Variants in SNTG1 observed in about 807,000 individuals in gnomAD.
The protein encoded by SNTG1 is gamma-1-syntrophin.
A neutral mutation model predicts 74.7 loss-of-function variants in SNTG1; 39 were observed. That is an observed-to-expected ratio of 0.52 (90% CI 0.40 to 0.68). The LOEUF is 0.68. Among genes scored for constraint, SNTG1 ranks in the 30% least tolerant of loss-of-function variants. SNTG1 has a pLI of 0.00. For missense variants in SNTG1, 685 were observed against 609.5 expected (o/e 1.12, Z -1.30); for synonymous variants, 254 against 217.1 (o/e 1.17, Z -1.49).
chr8:50,661,704 C>T (rs867419906), intron 15 of SNTG1, among the ~76,000 whole-genome samples: 44 of 152,074 alleles, frequency 2.9e-4, no homozygotes, highest in African/African-American at 1.1e-3. Flanking sequence ...CTCCCCTTGC[C>T]CCCAACCTCC....
intron 13 of SNTG1, among the ~76,000 whole-genome samples, chr8:50,617,696 C>CG (rs1307013317): frequency 4.6e-5 from 7 of 152,130 alleles, no homozygotes; most frequent in Non-Finnish European, 7.4e-5. Flanking sequence ...AAGGGGTTCC[C>CG]GTGAGAGGGT....
intron 2 of SNTG1, among the ~76,000 whole-genome samples, chr8:50,281,796 G>A (rs961339117): frequency 7.9e-5 from 12 of 152,182 alleles, no homozygotes; most frequent in Non-Finnish European, 1.8e-4. Flanking sequence ...ACTAAACTTC[G>A]AGTATTTATA....
At chr8:50,252,651 G>A (rs959114567) in intron 2 of SNTG1, among the ~76,000 whole-genome samples, 4 of 152,122 alleles carry the variant, frequency 2.6e-5, no homozygotes, top group African/African-American at 9.7e-5. Flanking sequence ...ACATGGCAAG[G>A]CTGAGAACAA....
At chr8:50,625,940 G>C (rs867355451) in intron 13 of SNTG1, among the ~76,000 whole-genome samples, 1 of 152,156 alleles carries the variant, frequency 6.6e-6, no homozygotes, top group Non-Finnish European at 1.5e-5. Flanking sequence ...CACCCCATGT[G>C]TGCTTTCCTT....
intron 2 of SNTG1, among the ~76,000 whole-genome samples, chr8:50,365,996 T>C (rs1344757452): frequency 1.3e-5 from 2 of 152,204 alleles, no homozygotes; most frequent in Non-Finnish European, 2.9e-5. Flanking sequence ...GACTGTATTT[T>C]AAACACCCAA....
At chr8:50,502,166 T>C (rs2093965167) in intron 8 of SNTG1, among the ~76,000 whole-genome samples, 1 of 152,156 alleles carries the variant, frequency 6.6e-6, no homozygotes, top group African/African-American at 2.4e-5. Flanking sequence ...ACTGATGCTA[T>C]TGATAATAAC....
intron 1 of SNTG1, among the ~76,000 whole-genome samples, chr8:50,150,449 A>T (rs1158436085): frequency 6.6e-6 from 1 of 152,168 alleles, no homozygotes; most frequent in Non-Finnish European, 1.5e-5. Flanking sequence ...GAGTGGTGAG[A>T]GAGGGCATCC....
chr8:50,658,891 G>T (rs2095200793), intron 15 of SNTG1, among the ~76,000 whole-genome samples: 1 of 152,208 alleles, frequency 6.6e-6, no homozygotes, highest in Non-Finnish European at 1.5e-5. Context: ...AGCAGACTCT[G>T]CAGTCCCACC....
intron 3 of SNTG1, among the ~76,000 whole-genome samples, chr8:50,399,470 A>G (rs1191145999): frequency 6.6e-6 from 1 of 152,170 alleles, no homozygotes; most frequent in African/African-American, 2.4e-5. Context: ...GATCTTTAGT[A>G]TCTCTTTGAT....
intron 4 of SNTG1, among the ~76,000 whole-genome samples, chr8:50,431,336 C>G (rs1202614088): frequency 6.6e-6 from 1 of 152,108 alleles, no homozygotes; most frequent in African/African-American, 2.4e-5. Context: ...ACATGGGAGG[C>G]TATGCATGCA....
chr8:50,147,330 A>C (rs1586474750), intron 1 of SNTG1, among the ~76,000 whole-genome samples: 1 of 152,240 alleles, frequency 6.6e-6, no homozygotes, highest in East Asian at 1.9e-4. Context: ...TGGTAAGGGA[A>C]AAATTGGAGC....
chr8:49,971,361 G>A lies in SNTG1; in HGVS notation c.-103+59130G>A, dbSNP rs912179892. On this transcript the variant is annotated intron_variant, in intron 1 of 18. Transcript: ENST00000642720. ...TCAATAAATTAGGTATTGACGGGAC[G>A]TATCTCAAAATAATAAGAGCTATCT... 6.6e-5 allele frequency among the ~76,000 whole-genome samples: 10 copies of A among 152,048 alleles called. 1 individual carries two copies. The highest frequency in any genetic ancestry group is 1.7e-4 in the African/African-American group (7 of 41,372).
chr8:50,257,482 T>A (rs941425348), intron 2 of SNTG1, among the ~76,000 whole-genome samples: 5 of 152,120 alleles, frequency 3.3e-5, no homozygotes, highest in Admixed American at 6.5e-5. Flanking sequence ...CTAAGTGAAG[T>A]AGTGTTCTTT....
chr8:50,030,953 G>A (rs1335965887), intron 1 of SNTG1, among the ~76,000 whole-genome samples: 28 of 151,826 alleles, frequency 1.8e-4, no homozygotes, highest in Non-Finnish European at 1.5e-5. Context: ...ACTATGTTGA[G>A]TATTCTAATC....
At chr8:49,958,619 C>G (rs1426813759) in intron 1 of SNTG1, among the ~76,000 whole-genome samples, 1 of 152,104 alleles carries the variant, frequency 6.6e-6, no homozygotes, top group East Asian at 1.9e-4. Flanking sequence ...CAAGGTTTCA[C>G]CATGTTGGCC....
At chr8:50,007,926 G>A (rs1437956831) in intron 1 of SNTG1, among the ~76,000 whole-genome samples, 1 of 152,100 alleles carries the variant, frequency 6.6e-6, no homozygotes, top group Non-Finnish European at 1.5e-5. Context: ...TCACAAGGTG[G>A]CAGGAGAGAG....
At chr8:50,751,215 A>G (rs1400567174) in intron 17 of SNTG1, among the ~76,000 whole-genome samples, 2 of 152,074 alleles carry the variant, frequency 1.3e-5, no homozygotes, top group Non-Finnish European at 2.9e-5. Flanking sequence ...TTGAACACAC[A>G]TACACAATTT....
intron 13 of SNTG1, among the ~76,000 whole-genome samples, chr8:50,641,197 A>G (rs1340623809): frequency 1.3e-5 from 2 of 152,200 alleles, no homozygotes; most frequent in African/African-American, 2.4e-5. Context: ...GCAACCTGCA[A>G]TTATTCTTTC....
chr8:50,286,054 A>T (rs1443540574), intron 2 of SNTG1, among the ~76,000 whole-genome samples: 1 of 152,120 alleles, frequency 6.6e-6, no homozygotes, highest in South Asian at 2.1e-4. Context: ...AACATTATAT[A>T]CACATGTTTT....
Sources: allele counts gnomAD v4.1 joint callset (sites outside exome capture counted in the v4.1 genomes callset), GRCh38; gene constraint gnomAD v4.1.1; transcripts MANE v1.5; gene names NCBI Gene and HGNC (gene_info 2026-07-23, HGNC 2026-07-21).